Variants in NUCB2 observed in about 807,000 individuals in gnomAD.
The protein encoded by NUCB2 is nucleobindin 2.
In NUCB2, 48 loss-of-function variants were observed where a neutral mutation model predicts 57.9. The ratio of observed to expected loss-of-function variants is 0.83; its 90% confidence interval spans 0.66 to 1.05. The LOEUF (loss-of-function observed/expected upper bound fraction) is 1.05, where lower values mean the gene tolerates loss of function less well. Among genes scored for constraint, NUCB2 ranks in the 50% least tolerant of loss-of-function variants. The pLI is 0.00. For missense variants in NUCB2, 442 were observed against 476.2 expected, an observed-to-expected ratio of 0.93 and a Z score of 0.67; for synonymous variants, 139 against 152.1, an observed-to-expected ratio of 0.91 and a Z score of 0.64.
intron 5 of NUCB2, among the ~76,000 whole-genome samples, chr11:17,303,892 A>T (rs1947187185): frequency 6.6e-6 from 1 of 151,858 alleles, no homozygotes; most frequent in Non-Finnish European, 1.5e-5. Flanking sequence ...CTCAAAAAAA[A>T]AAAAAAAAAA....
intron 1 of NUCB2, among the ~76,000 whole-genome samples, chr11:17,279,015 A>T (rs1941962183): frequency 6.6e-6 from 1 of 152,182 alleles, no homozygotes; most frequent in African/African-American, 2.4e-5. Flanking sequence ...CAACATGGTG[A>T]AACCCCGTCT....
intron 2 of NUCB2, among the ~76,000 whole-genome samples, chr11:17,285,837 C>T (rs562387201): frequency 2.0e-5 from 3 of 151,518 alleles, no homozygotes; most frequent in African/African-American, 7.3e-5. Context: ...ACTTTTCACC[C>T]TGGTTATCTA....
chr11:17,335,691 G>A (rs1018602974), downstream of NUCB2, among the ~76,000 whole-genome samples: 2 of 152,076 alleles, frequency 1.3e-5, no homozygotes, highest in Admixed American at 6.6e-5. Context: ...TAGTAGAGGC[G>A]GGGTTTCACC....
intron 4 of NUCB2, among the ~76,000 whole-genome samples, chr11:17,296,840 T>C (rs192315158): frequency 7.2e-5 from 11 of 152,290 alleles, no homozygotes; most frequent in African/African-American, 2.6e-4. Flanking sequence ...GTTTGGGTCA[T>C]TATCTGAGGA....
Position 17,330,948 on chromosome 11 carries a change from C to T in NUCB2, c.1220C>T (p.Pro407Leu). ...AAAAAATTACAACAAGGAATTCCTC[C>T]ATCAGGGCCAGCTGGAGAATTGAAG... ...EQKKLQQGIP[P>L]SGPAGELKFE... The change falls in exon 13 of 14, where the codon CCA becomes CTA. Residue 407 changes from proline to leucine, a missense_variant. Transcript: ENST00000529010. This position sits in a 1 kb window ranked among gnomAD's most constrained non-coding sequence, Gnocchi z 4.3. 6.2e-7 allele frequency: 1 copy of T among 1,610,960 alleles called. No individual in the cohort carries two copies. The highest frequency in any genetic ancestry group is 8.5e-7 in the Non-Finnish European group (1 of 1,177,970).
intron 4 of NUCB2, among the ~76,000 whole-genome samples, chr11:17,297,856 G>T (rs1946074139): frequency 6.6e-6 from 1 of 152,114 alleles, no homozygotes; most frequent in Admixed American, 6.5e-5. Context: ...GGCTGAGGCA[G>T]GTGGATCATG....
Position 17,330,500 on chromosome 11 carries a change from A to C in NUCB2, c.1173+203A>C, listed in dbSNP as rs1951261102. 2.0e-5 allele frequency among the ~76,000 whole-genome samples: 3 copies of C among 152,212 alleles called. No homozygotes were observed. On this transcript the variant is annotated intron_variant, in intron 12 of 13. Coordinates refer to ENST00000529010, the MANE Select transcript of NUCB2 (RefSeq NM_005013.4). The surrounding 1 kb of genome is among the most constrained non-coding windows in gnomAD (Gnocchi z 4.3). Reference sequence around the variant, plus strand: ...ATTTCATTTTATTTTATTTTGAGACAGCCTGTCTCCCAGGCTGGAGTATAG... The same window carrying C: ...ATTTCATTTTATTTTATTTTGAGACCGCCTGTCTCCCAGGCTGGAGTATAG...
At chr11:17,327,878 A>G (rs1565466971) in intron 11 of NUCB2, among the ~76,000 whole-genome samples, 1 of 152,092 alleles carries the variant, frequency 6.6e-6, no homozygotes, top group African/African-American at 2.4e-5. Flanking sequence ...AGCTATTTTG[A>G]ATTCTGTATC....
chr11:17,338,341 C>T (rs1951974343), intron 2 of NUCB2, among the ~76,000 whole-genome samples: 1 of 152,044 alleles, frequency 6.6e-6, no homozygotes, highest in East Asian at 1.9e-4. Flanking sequence ...CTTGGTGATC[C>T]TGAATGCCAT....
intron 11 of NUCB2, among the ~76,000 whole-genome samples, chr11:17,319,015 A>G (rs1949671830): frequency 6.6e-6 from 1 of 152,216 alleles, no homozygotes; most frequent in Admixed American, 6.5e-5. Flanking sequence ...TAAAAAGAAA[A>G]AAAAAATTTT....
intron 10 of NUCB2, 129 bp from the exon 11 acceptor site, chr11:17,315,257 C>T: frequency 2.1e-6 from 1 of 472,210 alleles, no homozygotes; most frequent in Non-Finnish European, 3.8e-6. Context: ...CCTCCAGTTT[C>T]TGTGGAAGTT....
intron 2 of NUCB2, among the ~76,000 whole-genome samples, chr11:17,347,960 T>C (rs1378115190): frequency 6.6e-6 from 1 of 152,232 alleles, no homozygotes; most frequent in Non-Finnish European, 1.5e-5. Context: ...AATTCAAAAA[T>C]AATTTTATGT....
chr11:17,306,927 G>A (rs56043534), intron 5 of NUCB2, among the ~76,000 whole-genome samples: 6,491 of 147,442 alleles, frequency 0.044, 264 homozygotes, highest in Middle Eastern at 0.14. Flanking sequence ...AAAAAAAAAA[G>A]AAAAGAAAAC....
intron 4 of NUCB2, among the ~76,000 whole-genome samples, chr11:17,297,821 C>A (rs1046716538): frequency 6.6e-6 from 1 of 152,116 alleles, no homozygotes; most frequent in East Asian, 1.9e-4. Context: ...TGGTGGCTCA[C>A]GCCTGTAATC....
intron 2 of NUCB2, among the ~76,000 whole-genome samples, chr11:17,343,558 C>A (rs189521255): frequency 6.6e-6 from 1 of 151,968 alleles, no homozygotes; most frequent in Non-Finnish European, 1.5e-5. Context: ...TCCATGCTGT[C>A]CTCCATTGTT....
At chr11:17,287,172 A>AAT (rs551888819) in intron 2 of NUCB2, among the ~76,000 whole-genome samples, 55 of 151,504 alleles carry the variant, frequency 3.6e-4, no homozygotes, top group African/African-American at 9.4e-4. Flanking sequence ...ACCAAAAAAA[A>AAT]ATATATATAT....
At chr11:17,280,252 A>G (rs1029701214) in intron 1 of NUCB2, among the ~76,000 whole-genome samples, 3 of 152,128 alleles carry the variant, frequency 2.0e-5, no homozygotes, top group African/African-American at 7.2e-5. Context: ...TTAAGACTGG[A>G]AAAAAAGGAG....
chr11:17,301,331 T>G (rs2138612468), intron 4 of NUCB2, among the ~76,000 whole-genome samples: 1 of 130,296 alleles, frequency 7.7e-6, no homozygotes, highest in South Asian at 2.5e-4. Flanking sequence ...CAGGCTGGAG[T>G]GCAGTGGTGC....
At chr11:17,282,094 G>A (rs1942692693) in intron 1 of NUCB2, among the ~76,000 whole-genome samples, 1 of 151,460 alleles carries the variant, frequency 6.6e-6, no homozygotes, top group Non-Finnish European at 1.5e-5. Flanking sequence ...CCTATATCTT[G>A]AAGTCTCATT....
Sources: allele counts gnomAD v4.1 joint callset (sites outside exome capture counted in the v4.1 genomes callset), GRCh38; gene constraint gnomAD v4.1.1; non-coding constraint Gnocchi (gnomAD v3.1); transcripts MANE v1.5; gene names NCBI Gene and HGNC (gene_info 2026-07-23, HGNC 2026-07-21).